The following TTLL11 variants were observed in gnomAD, a reference collection of about 807,000 sequenced individuals.
TTLL11 encodes the protein tubulin tyrosine ligase like 11.
Under a neutral mutation model 51.7 loss-of-function variants are expected in TTLL11, and 42 were observed. That is an observed-to-expected ratio of 0.81 (90% CI 0.64 to 1.05). The LOEUF (loss-of-function observed/expected upper bound fraction) is 1.05. Ranked by LOEUF, TTLL11 falls within the 50% of genes least tolerant of loss-of-function variation. The pLI is 0.00. For synonymous variants in TTLL11, 381 were observed against 383.5 expected, an observed-to-expected ratio of 0.99 and a Z score of 0.08; for missense variants, 799 against 940.4, an observed-to-expected ratio of 0.85 and a Z score of 1.97.
intron 6 of TTLL11, among the ~76,000 whole-genome samples, chr9:121,965,211 T>C (rs542060890): frequency 3.9e-5 from 6 of 152,300 alleles, no homozygotes; most frequent in Admixed American, 1.3e-4. Flanking sequence ...TGAACTCTCA[T>C]GTATTAGTCT....
intron 1 of TTLL11, among the ~76,000 whole-genome samples, chr9:122,081,462 AT>A (rs1266619633): frequency 6.6e-6 from 1 of 152,242 alleles, no homozygotes; most frequent in Non-Finnish European, 1.5e-5. Context: ...TCAAACCCAA[AT>A]CTATAGATGC....
chr9:121,857,860 C>T (rs1837876844), intron 8 of TTLL11, among the ~76,000 whole-genome samples: 1 of 152,102 alleles, frequency 6.6e-6, no homozygotes, highest in Non-Finnish European at 1.5e-5. Flanking sequence ...GATGGTAATG[C>T]TAGTTTGCAG....
chr9:122,067,640 C>T (rs1286963822), intron 1 of TTLL11, among the ~76,000 whole-genome samples: 1 of 152,118 alleles, frequency 6.6e-6, no homozygotes, highest in Non-Finnish European at 1.5e-5. Flanking sequence ...GTAGCTGGGA[C>T]TACAGGCGCC....
At chr9:121,869,740 G>A (rs1229448380) in intron 7 of TTLL11, among the ~76,000 whole-genome samples, 3 of 152,086 alleles carry the variant, frequency 2.0e-5, no homozygotes, top group Admixed American at 6.5e-5. Context: ...CACTATTGTA[G>A]GGCACAGGCA....
At chr9:122,061,731 G>A (rs1337296250) in intron 1 of TTLL11, among the ~76,000 whole-genome samples, 1 of 151,970 alleles carries the variant, frequency 6.6e-6, no homozygotes, top group Non-Finnish European at 1.5e-5. Flanking sequence ...TCTGCCTCCT[G>A]GGTTAAAGCG....
chr9:122,047,294 T>C (rs766504907), intron 1 of TTLL11, among the ~76,000 whole-genome samples: 27 of 152,040 alleles, frequency 1.8e-4, no homozygotes, highest in Admixed American at 2.0e-4. Flanking sequence ...TGAGCTGAGA[T>C]TGGAAGGAAG....
rs1051335566 is a variant in TTLL11, at chr9:121,870,369, G to A, written c.1733+128C>T. ...TGTGCCAGCCACTAGGCTAATCCAA[G>A]CTCAAATGGGGTACTGACCCAGCAC... On this transcript the variant is annotated intron_variant, in intron 7 of 8. Transcript: ENST00000321582. The A allele has an allele frequency of 4.0e-6, 5 of 1,254,162 alleles. No individual in the cohort carries two copies. The African/African-American group carries it at 7.6e-5, about 19-fold the overall frequency. 77.7% of individuals were successfully genotyped at this position (1,254,162 alleles called of 1,614,324 possible).
intron 6 of TTLL11, among the ~76,000 whole-genome samples, chr9:121,888,902 GGAA>G (rs1839117215): frequency 6.6e-6 from 1 of 152,240 alleles, no homozygotes; most frequent in Non-Finnish European, 1.5e-5. Flanking sequence ...CTGCCAGGCA[GGAA>G]CTATCAGCCC....
At chr9:121,958,683 G>A (rs1045038530) in intron 6 of TTLL11, among the ~76,000 whole-genome samples, 2 of 152,204 alleles carry the variant, frequency 1.3e-5, no homozygotes, top group Admixed American at 1.3e-4. Context: ...TAAAGCTTGT[G>A]AAATGCCATG....
chr9:121,898,043 C>T (rs944387546), intron 6 of TTLL11, among the ~76,000 whole-genome samples: 2 of 151,920 alleles, frequency 1.3e-5, no homozygotes, highest in African/African-American at 2.4e-5. Flanking sequence ...CTCAGCCTCC[C>T]GAGTAGCTGG....
intron 8 of TTLL11, among the ~76,000 whole-genome samples, chr9:121,835,431 A>G (rs915358667): frequency 1.3e-5 from 2 of 152,138 alleles, no homozygotes; most frequent in East Asian, 1.9e-4. Flanking sequence ...TGGAAATCTC[A>G]AGGAAAAAAG....
At chr9:122,084,529 C>T (rs527381434) in intron 1 of TTLL11, among the ~76,000 whole-genome samples, 1 of 152,246 alleles carries the variant, frequency 6.6e-6, no homozygotes, top group Non-Finnish European at 1.5e-5. Flanking sequence ...GGACGTGACT[C>T]GGCTTCAGAG....
intron 6 of TTLL11, among the ~76,000 whole-genome samples, chr9:121,909,455 C>T (rs1005395593): frequency 1.3e-5 from 2 of 152,284 alleles, no homozygotes; most frequent in South Asian, 2.1e-4. Flanking sequence ...TACTCCCTAT[C>T]TCCTTTACTC....
intron 8 of TTLL11, among the ~76,000 whole-genome samples, chr9:121,849,649 A>C (rs938319623): frequency 6.6e-6 from 1 of 152,230 alleles, no homozygotes; most frequent in South Asian, 2.1e-4. Context: ...ATGTAAAGAT[A>C]CTCAACATCA....
chr9:121,982,393 A>G (rs2131675464), intron 4 of TTLL11, among the ~76,000 whole-genome samples: 2 of 152,250 alleles, frequency 1.3e-5, no homozygotes, highest in South Asian at 4.1e-4. Flanking sequence ...GAGGTGACAT[A>G]TGGACAGGGG....
chr9:122,063,266 TA>T, intron 1 of TTLL11, among the ~76,000 whole-genome samples: 1 of 152,210 alleles, frequency 6.6e-6, no homozygotes, highest in Non-Finnish European at 1.5e-5. Context: ...GAGATTTAAA[TA>T]ATATAAAACT....
At chr9:122,013,056 A>T (rs1336624254) in intron 3 of TTLL11, among the ~76,000 whole-genome samples, 1 of 152,218 alleles carries the variant, frequency 6.6e-6, no homozygotes, top group African/African-American at 2.4e-5. Context: ...CAGGGAGAGC[A>T]GATAAGTAAA....
intron 6 of TTLL11, among the ~76,000 whole-genome samples, chr9:121,931,211 G>A (rs982320602): frequency 1.3e-5 from 2 of 152,194 alleles, no homozygotes; most frequent in Non-Finnish European, 2.9e-5. Context: ...CGAAGCGCTG[G>A]GTAATGATCT....
chr9:121,843,877 C>T lies in TTLL11; in HGVS notation c.1840+16460G>A, dbSNP rs1004182490. ...TTGTAGAGACAGGTGTCTCACTGTGCGGCGTAAGCTGATCTCGAACTCCTA... is the reference window on the plus strand; with the variant it reads ...TTGTAGAGACAGGTGTCTCACTGTGTGGCGTAAGCTGATCTCGAACTCCTA... On this transcript the variant is annotated intron_variant, in intron 8 of 8. Coordinates refer to ENST00000321582, the MANE Select transcript of TTLL11 (RefSeq NM_001139442.2). 1.4e-4 allele frequency among the ~76,000 whole-genome samples: 21 copies of T among 152,134 alleles called. No homozygotes were observed. The East Asian group carries it at 1.6e-3, about 11-fold the overall frequency.
Sources: allele counts gnomAD v4.1 joint callset (sites outside exome capture counted in the v4.1 genomes callset), GRCh38; gene constraint gnomAD v4.1.1; transcripts MANE v1.5; gene names NCBI Gene and HGNC (gene_info 2026-07-23, HGNC 2026-07-21).